Variants in RASSF8 observed in about 807,000 individuals in gnomAD.
RASSF8 encodes the protein Ras association domain family member 8.
Under a neutral mutation model 48.5 loss-of-function variants are expected in RASSF8, and 22 were observed. The observed-to-expected ratio is 0.45, with a 90% CI of 0.32 to 0.65. RASSF8 has a LOEUF of 0.65. Ranked by LOEUF, RASSF8 falls within the 30% of genes least tolerant of loss-of-function variation. The pLI is 0.03. For synonymous variants in RASSF8, 127 were observed against 171.5 expected, an observed-to-expected ratio of 0.74 and a Z score of 2.03; for missense variants, 418 against 489.2, an observed-to-expected ratio of 0.85 and a Z score of 1.37.
intron 2 of RASSF8, among the ~76,000 whole-genome samples, chr12:26,004,855 A>G (rs1942348240): frequency 6.6e-6 from 1 of 152,192 alleles, no homozygotes; most frequent in African/African-American, 2.4e-5. Flanking sequence ...AAAAAAAGTA[A>G]TACAATAAGT....
In RASSF8 at chr12:26,055,302, G is replaced by A; in HGVS notation, c.-42G>A. On this transcript the variant is annotated 5_prime_UTR_variant, in exon 3 of 6. Transcript: ENST00000689635. ...AGCTAGAGACATGACCTAACACCCT[G>A]ATGACCACTCTCAGGGACCTTGAGT... 6.6e-7 allele frequency: 1 copy of A among 1,520,582 alleles called. No individual in the cohort carries two copies. Among genetic ancestry groups the A allele is most frequent in the South Asian group, 1.1e-5 (1 of 89,146 alleles). The allele number at this position is 1,520,582 out of a possible 1,614,324, so 94.2% of individuals were successfully genotyped here.
chr12:26,015,761 T>C (rs1412011593), intron 2 of RASSF8, among the ~76,000 whole-genome samples: 6 of 152,184 alleles, frequency 3.9e-5, no homozygotes. Flanking sequence ...TTTGGAAAAA[T>C]AAACGAAATT....
chr12:26,045,011 A>G (rs1002494319), intron 2 of RASSF8, among the ~76,000 whole-genome samples: 1 of 152,204 alleles, frequency 6.6e-6, no homozygotes, highest in Non-Finnish European at 1.5e-5. Flanking sequence ...TCACCAAAGG[A>G]TGTACCTATT....
intron 2 of RASSF8, among the ~76,000 whole-genome samples, chr12:26,043,974 G>T (rs1396093731): frequency 6.6e-6 from 1 of 152,158 alleles, no homozygotes; most frequent in African/African-American, 2.4e-5. Context: ...AGACGAGTGT[G>T]TTCACTTTGT....
Position 26,064,896 on chromosome 12 carries a change from A to C in RASSF8, c.502A>C (p.Lys168Gln). The C allele has an allele frequency of 6.2e-7, 1 of 1,614,242 alleles. No homozygotes were observed. Among genetic ancestry groups the C allele is most frequent in the Non-Finnish European group, 8.5e-7 (1 of 1,180,040 alleles). Residue 168 changes from lysine (K) to glutamine (Q), a missense_variant, in exon 4 of 6, where the codon AAG becomes CAG. Transcript: ENST00000689635. ...CAAAACAACAGCAGATGAGTTGAAG[A>C]AGCTAATCCGTCTGCAGACAGAGAA... ...NCKTTADELK[K>Q]LIRLQTEKLQ... is the part of the protein sequence containing the mutation.
chr12:26,009,729 G>A (rs749494971), intron 2 of RASSF8, among the ~76,000 whole-genome samples: 2 of 152,200 alleles, frequency 1.3e-5, no homozygotes, highest in Non-Finnish European at 2.9e-5. Flanking sequence ...GGAGGAAGGA[G>A]TGACAAACTG....
intron 2 of RASSF8, among the ~76,000 whole-genome samples, chr12:26,003,100 T>G (rs1217825087): frequency 6.6e-6 from 1 of 152,168 alleles, no homozygotes; most frequent in Non-Finnish European, 1.5e-5. Flanking sequence ...TTGAAGAGGG[T>G]GTCCTTTCCT....
chr12:26,043,232 C>T (rs1036886353), intron 2 of RASSF8, among the ~76,000 whole-genome samples: 1 of 152,082 alleles, frequency 6.6e-6, no homozygotes, highest in African/African-American at 2.4e-5. Flanking sequence ...GGGAAAGCTG[C>T]CTGTTGAAGG....
chr12:26,001,058 C>T (rs1313492834), intron 2 of RASSF8, among the ~76,000 whole-genome samples: 2 of 138,374 alleles, frequency 1.4e-5, no homozygotes, highest in Non-Finnish European at 3.0e-5. Flanking sequence ...TGTCACAGCT[C>T]ACTGAAGCCT....
At chr12:25,985,648 C>T (rs185417084) in intron 1 of RASSF8, among the ~76,000 whole-genome samples, 15 of 152,280 alleles carry the variant, frequency 9.9e-5, no homozygotes, top group Non-Finnish European at 1.9e-4. Context: ...TAAAAATATT[C>T]CACTTCATAG....
intron 2 of RASSF8, among the ~76,000 whole-genome samples, chr12:26,000,307 T>C (rs2136978516): frequency 6.6e-6 from 1 of 152,248 alleles, no homozygotes; most frequent in South Asian, 2.1e-4. Flanking sequence ...TATATGAATA[T>C]CTATCTTGGG....
At chr12:26,014,184 A>G (rs1201633233) in intron 2 of RASSF8, among the ~76,000 whole-genome samples, 1 of 152,214 alleles carries the variant, frequency 6.6e-6, no homozygotes, top group Non-Finnish European at 1.5e-5. Flanking sequence ...AACTTCAGCA[A>G]ATGTGTTTTA....
intron 1 of RASSF8, among the ~76,000 whole-genome samples, chr12:25,976,126 G>T (rs1057366812): frequency 6.6e-6 from 1 of 152,164 alleles, no homozygotes; most frequent in Non-Finnish European, 1.5e-5. Flanking sequence ...TGGAGGCAGG[G>T]AACCTAAGGC....
Position 26,071,436 on chromosome 12 carries a change from T to C in RASSF8, c.*2618T>C. The C allele has an allele frequency of 2.1e-6, 2 of 942,480 alleles. No homozygotes were observed. The highest frequency in any genetic ancestry group is 2.5e-6 in the Non-Finnish European group (2 of 790,970). The allele number at this position is 942,480 out of a possible 1,614,324, so 58.4% of individuals were successfully genotyped here. On this transcript the variant is annotated 3_prime_UTR_variant, in exon 6 of 6. Coordinates refer to ENST00000689635, the MANE Select transcript of RASSF8 (RefSeq NM_001394098.1). ...AAAAAAATCATATTGCAACTTGTTT[T>C]ATTGTGATTTTCTACAAGTATTAAA...
chr12:26,039,331 G>T (rs1460434923), intron 2 of RASSF8, among the ~76,000 whole-genome samples: 1 of 152,158 alleles, frequency 6.6e-6, no homozygotes, highest in Non-Finnish European at 1.5e-5. Context: ...GCAGGTCCAG[G>T]TGGGCAGAGT....
chr12:25,961,825 T>C (rs1941242492), intron 1 of RASSF8, among the ~76,000 whole-genome samples: 2 of 151,976 alleles, frequency 1.3e-5, no homozygotes, highest in African/African-American at 4.8e-5. Flanking sequence ...ATCCAAGGAG[T>C]AGCTCACTCC....
intron 2 of RASSF8, among the ~76,000 whole-genome samples, chr12:26,044,200 A>C (rs1943325022): frequency 6.6e-6 from 1 of 152,014 alleles, no homozygotes; most frequent in Admixed American, 6.6e-5. Context: ...TGACTGCTGG[A>C]GTGATTTTTG....
At chr12:26,054,454 A>G (rs1943558132) in intron 2 of RASSF8, among the ~76,000 whole-genome samples, 2 of 152,252 alleles carry the variant, frequency 1.3e-5, no homozygotes, top group Non-Finnish European at 2.9e-5. Context: ...TTGTAATTTA[A>G]GAAAACTATC....
At chr12:26,011,984 A>G (rs923287472) in intron 2 of RASSF8, among the ~76,000 whole-genome samples, 20 of 152,224 alleles carry the variant, frequency 1.3e-4, no homozygotes, top group African/African-American at 4.6e-4. Flanking sequence ...TGTATAACAT[A>G]TAATAACATA....
Sources: gnomAD v4.1 joint callset for allele counts (sites outside exome capture counted in the v4.1 genomes callset) on GRCh38, gnomAD v4.1.1 for gene constraint, MANE v1.5 for transcripts, NCBI Gene and HGNC (gene_info 2026-07-23, HGNC 2026-07-21) for gene names.